ALK: variants seen among roughly 807,000 people sequenced by gnomAD.
ALK encodes ALK tyrosine kinase receptor.
ALK carries 74 observed loss-of-function variants against 163.1 expected under a neutral mutation model. That is an observed-to-expected ratio of 0.45 (90% CI 0.38 to 0.55). The LOEUF is 0.55. Among genes scored for constraint, ALK ranks in the 20% least tolerant of loss-of-function variants. The pLI, the probability that ALK is intolerant of heterozygous loss-of-function variation, is 0.00. For missense variants in ALK, 2,063 were observed against 2,105.3 expected (o/e 0.98, Z 0.39); for synonymous variants, 960 against 843.2 (o/e 1.14, Z -2.40).
At chr2:29,901,033 G>C in intron 1 of ALK, among the ~76,000 whole-genome samples, 1 of 151,350 alleles carries the variant, frequency 6.6e-6, no homozygotes, top group East Asian at 1.9e-4. Context: ...AAGCAAGCAA[G>C]CTTTTCCTCA....
intron 3 of ALK, among the ~76,000 whole-genome samples, chr2:29,651,357 C>A (rs779699767): frequency 1.6e-4 from 25 of 152,166 alleles, no homozygotes; most frequent in Non-Finnish European, 3.2e-4. Context: ...CTTAAACATT[C>A]TGTTTTAACT....
intron 3 of ALK, among the ~76,000 whole-genome samples, chr2:29,693,714 T>C (rs1043129995): frequency 2.0e-5 from 3 of 152,202 alleles, no homozygotes; most frequent in Non-Finnish European, 4.4e-5. Flanking sequence ...AAGCCTGAGA[T>C]GAGATTCTCT....
At chr2:29,231,211 G>T (rs554152676) in intron 15 of ALK, among the ~76,000 whole-genome samples, 10 of 152,274 alleles carry the variant, frequency 6.6e-5, no homozygotes, top group Non-Finnish European at 1.2e-4. Flanking sequence ...GGTGGCGTGT[G>T]CCTGTAATCC....
chr2:29,619,806 C>G (rs200050439), intron 3 of ALK, among the ~76,000 whole-genome samples: 1 of 152,174 alleles, frequency 6.6e-6, no homozygotes. Context: ...GTCTGCTGCC[C>G]GCACTCAGCC....
chr2:29,895,347 A>G (rs1667242828), intron 1 of ALK, among the ~76,000 whole-genome samples: 1 of 152,174 alleles, frequency 6.6e-6, no homozygotes, highest in South Asian at 2.1e-4. Flanking sequence ...TTCATTCCGA[A>G]AGACATTGAG....
chr2:29,400,057 G>A (rs990016052), intron 4 of ALK, among the ~76,000 whole-genome samples: 1 of 152,206 alleles, frequency 6.6e-6, no homozygotes, highest in African/African-American at 2.4e-5. Flanking sequence ...CTCCGTGTAT[G>A]TTTGTGGGCA....
At chr2:29,912,731 C>A (rs1269522382) in intron 1 of ALK, among the ~76,000 whole-genome samples, 2 of 151,790 alleles carry the variant, frequency 1.3e-5, no homozygotes, top group Admixed American at 6.6e-5. Context: ...ACAGGCTTAG[C>A]AAGTTTAAGA....
chr2:29,721,205 C>A (rs750159566), intron 1 of ALK, among the ~76,000 whole-genome samples: 1 of 152,224 alleles, frequency 6.6e-6, no homozygotes, highest in Non-Finnish European at 1.5e-5. Context: ...TCTTGACACT[C>A]TGAATTTTTC....
At chr2:29,860,912 A>G (rs1666271968) in intron 1 of ALK, among the ~76,000 whole-genome samples, 1 of 152,180 alleles carries the variant, frequency 6.6e-6, no homozygotes, top group Admixed American at 6.5e-5. Context: ...CTACATTAAA[A>G]AAGAAGAAAG....
intron 3 of ALK, among the ~76,000 whole-genome samples, chr2:29,671,379 G>C (rs959130711): frequency 6.6e-6 from 1 of 152,070 alleles, no homozygotes; most frequent in Non-Finnish European, 1.5e-5. Flanking sequence ...CAGCCACATT[G>C]ATTTGGCATC....
intron 18 of ALK, 127 bp from the exon 19 acceptor site, chr2:29,225,692 G>T: frequency 1.3e-6 from 1 of 783,896 alleles, no homozygotes; most frequent in Non-Finnish European, 2.2e-6. Flanking sequence ...TGGAGACCTT[G>T]TCACACTTTT....
intron 4 of ALK, among the ~76,000 whole-genome samples, chr2:29,509,565 T>C (rs942730272): frequency 2.0e-5 from 3 of 152,332 alleles, no homozygotes; most frequent in Middle Eastern, 3.4e-3. Context: ...TAGGAACTTT[T>C]ATACTTTTAT....
chr2:29,574,542 T>C (rs1366610352), intron 3 of ALK, among the ~76,000 whole-genome samples: 1 of 152,262 alleles, frequency 6.6e-6, no homozygotes, highest in Admixed American at 6.5e-5. Flanking sequence ...TGAGAAAGAC[T>C]CATATTTCAG....
intron 4 of ALK, among the ~76,000 whole-genome samples, chr2:29,503,944 A>C (rs925001200): frequency 1.3e-5 from 2 of 151,860 alleles, no homozygotes; most frequent in Non-Finnish European, 2.9e-5. Context: ...GGTTTTTACC[A>C]TTACTTTCAG....
In ALK at chr2:29,232,343, A is replaced by G. The variant is rs1664236706; in HGVS notation, c.2593T>C (p.Ser865Pro). The change falls in exon 15 of 29, where the codon TCC becomes CCC. Residue 865 changes from serine to proline, a missense_variant. Transcript: ENST00000389048. The part of the protein sequence containing the change: ...TFHPERLENN[S>P]SVLGLNGNSG... ...TTGCCGTTTAGCCCTAGAACCGAGG[A>G]GTTATTCTCCAGTCTCTCTGGGTGG... 1 of 1,614,184 alleles carries G rather than the reference A, an allele frequency of 6.2e-7. No homozygotes were observed. The highest frequency in any genetic ancestry group is 2.2e-5 in the East Asian group (1 of 44,866).
At position 29,830,988 on chromosome 2, in the gene ALK, GAA is replaced by G. The variant is rs1558508366; in HGVS notation, c.667+89003_667+89004del. Among the ~76,000 whole-genome samples, 24 of 52,022 alleles carry G rather than the reference GAA, an allele frequency of 4.6e-4. 1 individual carries two copies. The highest frequency in any genetic ancestry group is 4.2e-4 in the African/African-American group (7 of 16,496). The allele number at this position is 52,022 out of a possible 152,430, so 34.1% of individuals were successfully genotyped here. On this transcript the variant is annotated intron_variant, in intron 1 of 28. Coordinates refer to ENST00000389048, the MANE Select transcript of ALK (RefSeq NM_004304.5). ...AGAAGAAGAAGAAGAAGAAGAAGAAGAAGAAGAAGAAGAAGAAGAAGAAGGGG... is the reference window on the plus strand; with the variant it reads ...AGAAGAAGAAGAAGAAGAAGAAGAAGGAAGAAGAAGAAGAAGAAGAAGGGG...
At chr2:29,527,492 G>T (rs190539850) in intron 4 of ALK, among the ~76,000 whole-genome samples, 2 of 151,972 alleles carry the variant, frequency 1.3e-5, no homozygotes, top group Non-Finnish European at 1.5e-5. Flanking sequence ...GCTTTGCCAC[G>T]AGCAGGCAGT....
At chr2:29,470,030 T>G (rs1671312166) in intron 4 of ALK, among the ~76,000 whole-genome samples, 1 of 152,188 alleles carries the variant, frequency 6.6e-6, no homozygotes, top group Non-Finnish European at 1.5e-5. Context: ...AGAATTTCAT[T>G]AGAAAACGGG....
chr2:29,566,215 A>C (rs1674184931), intron 3 of ALK, among the ~76,000 whole-genome samples: 1 of 152,200 alleles, frequency 6.6e-6, no homozygotes, highest in South Asian at 2.1e-4. Context: ...GCCAAATCCT[A>C]GTTAGTCATT....
Sources: allele counts gnomAD v4.1 joint callset (sites outside exome capture counted in the v4.1 genomes callset), GRCh38; gene constraint gnomAD v4.1.1; transcripts MANE v1.5; gene names NCBI Gene and HGNC (gene_info 2026-07-23, HGNC 2026-07-21).